PLA2G4E: variants seen among roughly 807,000 people sequenced by gnomAD.
The protein encoded by PLA2G4E is cytosolic phospholipase A2 epsilon.
PLA2G4E carries 84 observed loss-of-function variants against 109.1 expected under a neutral mutation model. The observed-to-expected ratio is 0.77, with a 90% confidence interval of 0.65 to 0.92. The LOEUF (loss-of-function observed/expected upper bound fraction) is 0.92. Ranked by LOEUF, PLA2G4E falls within the 40% of genes least tolerant of loss-of-function variation. The pLI is 0.00. For missense variants in PLA2G4E, 1,057 were observed against 1,076.6 expected (o/e 0.98, Z 0.25); for synonymous variants, 469 against 436.1 (o/e 1.08, Z -0.94).
At position 41,985,831 on chromosome 15, in the gene PLA2G4E, G is replaced by A. The variant is rs368217977; in HGVS notation, c.2202+8C>T. The A allele has an allele frequency of 4.9e-5, 79 of 1,606,816 alleles. No individual in the cohort carries two copies. In the East Asian group the frequency reaches 6.9e-4, roughly 14 times the overall value. ...AGCCCATGCTCAGGAGGGAGGCTGCGCACTTGCCTTTGTCTGGGACCCAGC... is the reference window on the plus strand; with the variant it reads ...AGCCCATGCTCAGGAGGGAGGCTGCACACTTGCCTTTGTCTGGGACCCAGC... On this transcript the variant is annotated splice_region_variant and intron_variant, in intron 18 of 19. Coordinates refer to ENST00000399518, the Ensembl canonical transcript of PLA2G4E.
In PLA2G4E at chr15:41,991,079, T is replaced by A. The variant is rs4924594; in HGVS notation, c.1471-844A>T. ...ACAGGGTCATAACTGGGCCCAGAGA[T>A]CTGGGCATCACAGAGCCCACTGTCC... On this transcript the variant is annotated intron_variant, in intron 13 of 19. Transcript: ENST00000399518. Among the ~76,000 whole-genome samples, 1,194 of 152,206 alleles carry A rather than the reference T, an allele frequency of 7.8e-3. 7 individuals carry two copies. The highest frequency in any genetic ancestry group is 0.012 in the Non-Finnish European group (843 of 68,006).
chr15:41,988,545 T>A (rs966747738), intron 15 of PLA2G4E, among the ~76,000 whole-genome samples: 1 of 152,228 alleles, frequency 6.6e-6, no homozygotes, highest in African/African-American at 2.4e-5. Context: ...TTTGTTATTA[T>A]GATTTTTAAA....
chr15:42,032,036 G>C (rs960693663), intron 1 of PLA2G4E, among the ~76,000 whole-genome samples: 3 of 152,100 alleles, frequency 2.0e-5, no homozygotes, highest in African/African-American at 7.2e-5. Flanking sequence ...GCAAGATCTA[G>C]TTGTTAAAAA....
chr15:42,002,734 A>G (rs767508896), intron 5 of PLA2G4E, 38 bp from the exon 6 acceptor site: 58 of 1,531,850 alleles, frequency 3.8e-5, no homozygotes, highest in Non-Finnish European at 4.9e-5. Flanking sequence ...CAATTCTAGC[A>G]TTCTTGACTG....
At chr15:42,010,221 T>C (rs1176280956) in intron 2 of PLA2G4E, 1 of 515,362 alleles carries the variant, frequency 1.9e-6, no homozygotes, top group Non-Finnish European at 3.9e-6. Flanking sequence ...CTATACCTAC[T>C]GGTTCTGTAA....
chr15:42,046,817 G>T (rs1203416929), intron 1 of PLA2G4E, among the ~76,000 whole-genome samples: 2 of 152,196 alleles, frequency 1.3e-5, no homozygotes, highest in Admixed American at 1.3e-4. Context: ...CACATGAGAA[G>T]TTATCTAAGA....
At position 42,000,163 on chromosome 15, in the gene PLA2G4E, G is replaced by A. The variant is rs1042994257; in HGVS notation, c.793C>T (p.Pro265Ser). The change falls in exon 8 of 20, where the codon CCC (proline) becomes TCC (serine). Residue 265 changes from proline to serine, a missense_variant. By Grantham distance (74) the Pro-to-Ser change is moderately conservative. Transcript: ENST00000399518. ...TGCACCTGGGACTGGAAGTACTTGGGGTAGTGGAAGCAGGCAGCGGTTTGG... is the reference window on the plus strand; with the variant it reads ...TGCACCTGGGACTGGAAGTACTTGGAGTAGTGGAAGCAGGCAGCGGTTTGG... The A allele has an allele frequency of 6.3e-6, 10 of 1,595,630 alleles. No homozygotes were observed. The highest frequency in any genetic ancestry group is 5.7e-5 in the South Asian group (5 of 87,732).
chr15:42,000,380 G>A, intron 7 of PLA2G4E, 98 bp from the exon 8 acceptor site: 1 of 1,174,688 alleles, frequency 8.5e-7, no homozygotes, highest in South Asian at 1.5e-5. Context: ...TCCAGGAGGA[G>A]TTTAGAATCA....
At chr15:41,982,236 C>T (rs570593889) in exon 20 of PLA2G4E, 2 of 152,392 alleles carry the variant, frequency 1.3e-5, no homozygotes, top group East Asian at 3.9e-4. Flanking sequence ...TCATGTCTTC[C>T]TGCCTTTCTG....
intron 2 of PLA2G4E, among the ~76,000 whole-genome samples, chr15:42,010,451 T>C (rs1318287566): frequency 6.6e-6 from 1 of 152,186 alleles, no homozygotes; most frequent in Non-Finnish European, 1.5e-5. Context: ...AGTTTTTCAG[T>C]TCTTTTGCAG....
At chr15:42,037,851 G>A (rs12914009) in intron 1 of PLA2G4E, among the ~76,000 whole-genome samples, 43,660 of 152,092 alleles carry the variant, frequency 0.29, 6,688 homozygotes, top group Admixed American at 0.36. Context: ...ACCTCACTGC[G>A]GCAGCTGGCA....
chr15:42,033,452 T>C (rs2141072347), intron 1 of PLA2G4E, among the ~76,000 whole-genome samples: 1 of 152,264 alleles, frequency 6.6e-6, no homozygotes, highest in African/African-American at 2.4e-5. Flanking sequence ...CTTATGACAC[T>C]GGGAGGGCTT....
chr15:41,997,477 C>T (rs1627062), intron 10 of PLA2G4E: 281,525 of 412,064 alleles, frequency 0.68, 99,940 homozygotes, highest in Non-Finnish European at 0.76. Context: ...TGCAAAGCCC[C>T]CAAAGCCTTA....
chr15:41,995,448 T>A (rs764247688), exon 12 of PLA2G4E: 1 of 1,613,900 alleles, frequency 6.2e-7, no homozygotes, highest in East Asian at 2.2e-5. Flanking sequence ...TACATGGAGG[T>A]CATGGATCTT....
At chr15:42,044,418 G>C (rs1889375195) in intron 1 of PLA2G4E, among the ~76,000 whole-genome samples, 1 of 152,130 alleles carries the variant, frequency 6.6e-6, no homozygotes, top group African/African-American at 2.4e-5. Flanking sequence ...CTGAGCACCT[G>C]TGTCTGGGGC....
intron 1 of PLA2G4E, among the ~76,000 whole-genome samples, chr15:42,043,226 C>T (rs1338086359): frequency 6.6e-6 from 1 of 152,120 alleles, no homozygotes; most frequent in Admixed American, 6.5e-5. Flanking sequence ...CTGCTGGAAG[C>T]ATGTGGGAGA....
chr15:41,985,471 G>C (rs1022259796), intron 18 of PLA2G4E, among the ~76,000 whole-genome samples: 1 of 152,224 alleles, frequency 6.6e-6, no homozygotes, highest in Non-Finnish European at 1.5e-5. Context: ...CTGGGGGAAG[G>C]GAGAGTGTGA....
chr15:42,028,088 C>T (rs754340108), intron 1 of PLA2G4E, among the ~76,000 whole-genome samples: 7 of 152,244 alleles, frequency 4.6e-5, no homozygotes, highest in Non-Finnish European at 1.0e-4. Context: ...CATTCACACA[C>T]GTTACACAGA....
intron 11 of PLA2G4E, 28 bp downstream of exon 11, chr15:41,997,096 C>A (rs761932151): frequency 9.1e-6 from 14 of 1,539,746 alleles, no homozygotes; most frequent in African/African-American, 2.7e-5. Context: ...CAGCTGGGCC[C>A]AGGCTGGCCA....
Sources: gnomAD v4.1 joint callset for allele counts (sites outside exome capture counted in the v4.1 genomes callset) on GRCh38, gnomAD v4.1.1 for gene constraint, MANE v1.5 for transcripts, NCBI Gene and HGNC (gene_info 2026-07-23, HGNC 2026-07-21) for gene names.